BRWD3: variants seen among roughly 807,000 people sequenced by gnomAD.
The protein encoded by BRWD3 is bromodomain and WD repeat-containing protein 3.
Under a neutral mutation model 149.7 loss-of-function variants are expected in BRWD3, and 10 were observed. That is an observed-to-expected ratio of 0.07 (90% CI 0.04 to 0.11). The LOEUF (loss-of-function observed/expected upper bound fraction) is 0.11, where lower values mean the gene tolerates loss of function less well. Among genes scored for constraint, BRWD3 ranks in the 10% least tolerant of loss-of-function variants. The pLI, the probability that BRWD3 is intolerant of heterozygous loss-of-function variation, is 1.00. For missense variants in BRWD3, 940 were observed against 1,373.2 expected (o/e 0.68, Z 4.99); for synonymous variants, 504 against 456.7 (o/e 1.10, Z -1.32).
intron 39 of BRWD3, 41 bp from the exon 40 acceptor site, chrX:80,681,540 G>C: frequency 9.1e-7 from 1 of 1,102,110 alleles, no homozygotes; most frequent in East Asian, 3.0e-5. Context: ...TAATTATCAT[G>C]TTTTCAGGAA....
chrX:80,695,218 C>T (rs2072669008), intron 27 of BRWD3, among the ~76,000 whole-genome samples: 1 of 111,641 alleles, frequency 9.0e-6, no homozygotes, highest in Non-Finnish European at 1.9e-5. Context: ...GTCCTAAGGC[C>T]TCCCGAGCCA....
intron 6 of BRWD3, among the ~76,000 whole-genome samples, chrX:80,755,595 T>A (rs756442079): frequency 4.5e-5 from 5 of 111,812 alleles, no homozygotes; most frequent in African/African-American, 1.3e-4. Flanking sequence ...TGAAGAGCCA[T>A]GAAAACATGC....
chrX:80,706,738 G>C (rs2072872032), intron 22 of BRWD3, among the ~76,000 whole-genome samples: 1 of 112,632 alleles, frequency 8.9e-6, no homozygotes, highest in African/African-American at 3.2e-5. Context: ...ACAATAAAAA[G>C]TATAGCATAA....
intron 38 of BRWD3, 40 bp downstream of exon 38, chrX:80,682,425 T>C (rs970273161): frequency 4.2e-6 from 5 of 1,184,956 alleles, no homozygotes; most frequent in Non-Finnish European, 5.7e-6. Context: ...ACATACAAAA[T>C]GCTTTGAGAA....
At chrX:80,712,285 A>G (rs989252493) in intron 20 of BRWD3, among the ~76,000 whole-genome samples, 12 of 110,815 alleles carry the variant, frequency 1.1e-4, no homozygotes. Context: ...AGTGCCTGTG[A>G]TTGCAGGCAC....
chrX:80,808,725 C>CCTGATAG, intron 3 of BRWD3, 127 bp from the exon 4 acceptor site: 5 of 486,402 alleles, frequency 1.0e-5, no homozygotes. Flanking sequence ...TTTCTCTCGG[C>CCTGATAG]CTGATAGCTA....
chrX:80,688,016 T>C, intron 34 of BRWD3, 53 bp downstream of exon 34: 2 of 1,022,510 alleles, frequency 2.0e-6, no homozygotes, highest in South Asian at 3.8e-5. Context: ...TAGGGATCAC[T>C]GACACAGGAA....
rs1391578318 is a variant in BRWD3 at position 80,674,544 on chromosome X, G to A, written c.*2065C>T. The A allele has an allele frequency of 9.0e-6, 1 of 111,538 alleles. No homozygotes were observed. Among genetic ancestry groups the A allele is most frequent in the Non-Finnish European group, 1.9e-5 (1 of 53,023 alleles). The allele number at this position is 111,538 out of a possible 1,213,427, so 9.2% of individuals were successfully genotyped here. A position where few individuals can be genotyped will look rare whatever the true frequency, so the allele number is the denominator to read the frequency against. On this transcript the variant is annotated 3_prime_UTR_variant, in exon 41 of 41. Transcript: ENST00000373275. ...ATTTCAGGAATACAGGCACAATTTA[G>A]TCTAAATGCCCAAGAGATAAATAAC...
At chrX:80,705,169 G>T (rs2072845463) in intron 22 of BRWD3, among the ~76,000 whole-genome samples, 1 of 110,131 alleles carries the variant, frequency 9.1e-6, no homozygotes, top group Non-Finnish European at 1.9e-5. Flanking sequence ...AGGAAGCTGA[G>T]AGGGAAGAAT....
chrX:80,713,725 T>C (rs1390173701), intron 20 of BRWD3, among the ~76,000 whole-genome samples: 9 of 111,778 alleles, frequency 8.1e-5, no homozygotes, highest in African/African-American at 3.0e-4. Flanking sequence ...TAATAAATCT[T>C]AGATTACTTC....
chrX:80,736,712 T>C (rs968877462), intron 8 of BRWD3, among the ~76,000 whole-genome samples: 2 of 106,523 alleles, frequency 1.9e-5, no homozygotes, highest in East Asian at 2.9e-4. Context: ...AAAAAAGTTG[T>C]CAATACAGAG....
intron 6 of BRWD3, among the ~76,000 whole-genome samples, chrX:80,779,050 A>G (rs2074029639): frequency 8.9e-6 from 1 of 112,004 alleles, no homozygotes; most frequent in Admixed American, 9.5e-5. Context: ...ATGGTGGCTC[A>G]TGCCTGTAAT....
intron 22 of BRWD3, among the ~76,000 whole-genome samples, chrX:80,705,768 G>C (rs1171005737): frequency 8.9e-6 from 1 of 111,809 alleles, no homozygotes; most frequent in Non-Finnish European, 1.9e-5. Flanking sequence ...TCTACACATA[G>C]AAAAGGTACA....
intron 8 of BRWD3, among the ~76,000 whole-genome samples, chrX:80,741,320 T>A (rs1203644818): frequency 8.9e-6 from 1 of 112,032 alleles, no homozygotes. Flanking sequence ...TGTTGGACAT[T>A]TGGGTTGGTT....
chrX:80,742,920 T>A (rs2073536769), intron 8 of BRWD3, among the ~76,000 whole-genome samples: 1 of 111,558 alleles, frequency 9.0e-6, no homozygotes, highest in Admixed American at 9.5e-5. Flanking sequence ...TGGCCAGAAC[T>A]TCCAGCACTA....
intron 17 of BRWD3, among the ~76,000 whole-genome samples, chrX:80,720,543 A>G (rs1318076069): frequency 9.1e-6 from 1 of 109,396 alleles, no homozygotes; most frequent in East Asian, 2.8e-4. Context: ...AAAAGAGTCG[A>G]AAAGTTAAAA....
intron 40 of BRWD3, among the ~76,000 whole-genome samples, chrX:80,678,142 A>G (rs911495483): frequency 1.8e-5 from 2 of 112,333 alleles, no homozygotes; most frequent in Admixed American, 1.9e-4. Flanking sequence ...AAGTGGAAGG[A>G]GAGACCAGTT....
chrX:80,792,150 T>C (rs1202399707), intron 5 of BRWD3, among the ~76,000 whole-genome samples, 198 bp from the exon 6 acceptor site: 1 of 112,538 alleles, frequency 8.9e-6, no homozygotes, highest in East Asian at 2.8e-4. Context: ...CCTTAACATA[T>C]CATCTGGATA....
At position 80,675,422 on chromosome X, in the gene BRWD3, G is replaced by GT. The variant is rs769215888; in HGVS notation, c.*1186dup. 2 of 111,839 alleles carry GT rather than the reference G, an allele frequency of 1.8e-5. No homozygotes were observed. Among genetic ancestry groups the GT allele is most frequent in the African/African-American group, 3.2e-5 (1 of 30,882 alleles). 9.2% of individuals were successfully genotyped at this position (111,839 alleles called of 1,213,427 possible). A position where few individuals can be genotyped will look rare whatever the true frequency, so the allele number is the denominator to read the frequency against. On this transcript the variant is annotated 3_prime_UTR_variant, in exon 41 of 41. Transcript: ENST00000373275. ...ACCAGCAACTCACAGCTGTTAAATG[G>GT]TAAGTGGAGCAGAAATATATAAGCA...
Sources: allele counts gnomAD v4.1 joint callset (sites outside exome capture counted in the v4.1 genomes callset), GRCh38; gene constraint gnomAD v4.1.1; transcripts MANE v1.5; gene names NCBI Gene and HGNC (gene_info 2026-07-23, HGNC 2026-07-21).